NPTX2: variants seen among roughly 807,000 people sequenced by gnomAD.
NPTX2 encodes neuronal pentraxin-2.
A neutral mutation model predicts 38.1 loss-of-function variants in NPTX2; 23 were observed. The observed-to-expected ratio is 0.60, with a 90% CI of 0.43 to 0.85. The LOEUF is 0.85. Ranked by LOEUF, NPTX2 falls within the 40% of genes least tolerant of loss-of-function variation. The probability of loss-of-function intolerance (pLI) is 0.00; values close to 1 mark genes in which losing one functional copy is unlikely to be tolerated. For missense variants in NPTX2, 553 were observed against 615.3 expected, an observed-to-expected ratio of 0.90 and a Z score of 1.07; for synonymous variants, 291 against 287.3, an observed-to-expected ratio of 1.01 and a Z score of -0.13.
chr7:98,619,102 A>T (rs1311671275), intron 1 of NPTX2, among the ~76,000 whole-genome samples: 2 of 152,206 alleles, frequency 1.3e-5, no homozygotes, highest in Non-Finnish European at 2.9e-5. Flanking sequence ...AAAGAGAAAT[A>T]GGAAGTGAGG....
chr7:98,625,273 TC>T, intron 3 of NPTX2, 107 bp downstream of exon 3: 2 of 1,397,182 alleles, frequency 1.4e-6, no homozygotes, highest in Non-Finnish European at 9.6e-7. Flanking sequence ...CACAGCAGTG[TC>T]CCAGACATGG....
chr7:98,619,907 C>T, intron 2 of NPTX2, 48 bp downstream of exon 2: 8 of 1,524,636 alleles, frequency 5.2e-6, no homozygotes, highest in Non-Finnish European at 7.2e-6. Context: ...TGATTTTCAC[C>T]ACTTGTGGTC....
chr7:98,627,052 A>C, intron 3 of NPTX2, 113 bp from the exon 4 acceptor site: 1 of 671,368 alleles, frequency 1.5e-6, no homozygotes, highest in Non-Finnish European at 2.6e-6. Context: ...CCCCGGTGAC[A>C]GGAGGAGCAG....
chr7:98,618,590 C>T (rs547390474), intron 1 of NPTX2, among the ~76,000 whole-genome samples: 929 of 56,034 alleles, frequency 0.017, 43 homozygotes, highest in Admixed American at 0.062. Context: ...CCCCCTCCCC[C>T]TCCGTCCCCC....
chr7:98,617,996 A>G, intron 1 of NPTX2, 109 bp downstream of exon 1: 2 of 1,164,122 alleles, frequency 1.7e-6, no homozygotes, highest in Non-Finnish European at 1.2e-6. Flanking sequence ...GGAGGGTGTG[A>G]TCGTCCGTGG....
In NPTX2 at chr7:98,617,371, C is replaced by T. The variant is rs1397917855; in HGVS notation, c.-91C>T. ...GCACGCGACCCTCGAGACGACAGCG[C>T]GGCTACTGCCAGCAGCGAAGGCGCC... On this transcript the variant is annotated 5_prime_UTR_variant, in exon 1 of 5. Coordinates refer to ENST00000265634, the MANE Select transcript of NPTX2 (RefSeq NM_002523.3). 1 of 326,350 alleles carries T rather than the reference C, an allele frequency of 3.1e-6. No individual in the cohort carries two copies. Among genetic ancestry groups the T allele is most frequent in the Non-Finnish European group, 5.4e-6 (1 of 186,460 alleles). 20.2% of individuals were successfully genotyped at this position (326,350 alleles called of 1,614,324 possible).
chr7:98,627,513 A>G (rs183427806), intron 4 of NPTX2, among the ~76,000 whole-genome samples, 169 bp downstream of exon 4: 77 of 152,310 alleles, frequency 5.1e-4, no homozygotes, highest in African/African-American at 1.8e-3. Context: ...AGACCTGGCC[A>G]CAGTGTCCTG....
chr7:98,620,039 C>T (rs1244406445), intron 2 of NPTX2, 180 bp downstream of exon 2: 1 of 625,238 alleles, frequency 1.6e-6, no homozygotes, highest in South Asian at 1.9e-5. Context: ...AGCTGCCAGC[C>T]CCACTGGCAT....
Position 98,617,654 on chromosome 7 carries a change from C to A in NPTX2, c.193C>A (p.Gln65Lys). 1 of 1,484,620 alleles carries A rather than the reference C, an allele frequency of 6.7e-7. No homozygotes were observed. Among genetic ancestry groups the A allele is most frequent in the South Asian group, 1.3e-5 (1 of 78,680 alleles). The allele number at this position is 1,484,620 out of a possible 1,614,324, so 92.0% of individuals were successfully genotyped here. The change falls in exon 1 of 5, where the codon CAG becomes AAG. Residue 65 changes from glutamine to lysine, a missense_variant. Physicochemically the swap from Gln to Lys is moderately conservative, Grantham distance 53 (BLOSUM62 1). Transcript: ENST00000265634. ...PEEELRAAVLQLRETVVQQKE... is the reference protein window; with the variant it reads ...PEEELRAAVLKLRETVVQQKE... ...GGAGGAGCTGAGGGCCGCGGTGCTGCAGCTGCGCGAGACCGTCGTGCAGCA... is the reference window on the plus strand; with the variant it reads ...GGAGGAGCTGAGGGCCGCGGTGCTGAAGCTGCGCGAGACCGTCGTGCAGCA...
chr7:98,624,114 A>C lies in NPTX2; in HGVS notation c.644-808A>C, dbSNP rs1050615276. 2.6e-5 allele frequency among the ~76,000 whole-genome samples: 4 copies of C among 151,994 alleles called. No individual in the cohort carries two copies. The East Asian group carries it at 5.8e-4, about 22-fold the overall frequency. On this transcript the variant is annotated intron_variant, in intron 2 of 4. Transcript: ENST00000265634. ...TGGAACCACAGGTGTGTGCCACCCT[A>C]CCCAGCTAATTTTTATATTTTTTGT...
Position 98,619,227 on chromosome 7 carries a change from C to T in NPTX2, c.427-416C>T, listed in dbSNP as rs572814372. Among the ~76,000 whole-genome samples, 10 of 152,174 alleles carry T rather than the reference C, an allele frequency of 6.6e-5. No individual in the cohort carries two copies. The East Asian group carries it at 7.7e-4, about 12-fold the overall frequency. ...ATAGTTATTTACCTTGGTGCCAGAC[C>T]GGAACTTGGGGGCTGTTTTCATTTC... On this transcript the variant is annotated intron_variant, in intron 1 of 4. Transcript: ENST00000265634.
chr7:98,620,714 G>A (rs115274546), intron 2 of NPTX2, among the ~76,000 whole-genome samples: 51 of 152,250 alleles, frequency 3.3e-4, no homozygotes, highest in African/African-American at 8.9e-4. Flanking sequence ...AGGAGGGAAC[G>A]TCTAGGCACA....
At chr7:98,625,247 C>A in intron 3 of NPTX2, 81 bp downstream of exon 3, 1 of 1,503,158 alleles carries the variant, frequency 6.7e-7, no homozygotes, top group Non-Finnish European at 8.9e-7. Flanking sequence ...CAGCCGTCCT[C>A]GCCCTCCTCG....
chr7:98,625,420 G>A (rs1238316393), intron 3 of NPTX2, among the ~76,000 whole-genome samples: 1 of 152,206 alleles, frequency 6.6e-6, no homozygotes, highest in Non-Finnish European at 1.5e-5. Flanking sequence ...GGCCATGGAA[G>A]GGCAGAAGGA....
In NPTX2 at chr7:98,625,256, C is replaced by T. The variant is rs566847495; in HGVS notation, c.888+90C>T. On this transcript the variant is annotated intron_variant, in intron 3 of 4. Transcript: ENST00000265634. ...CCACCCCAGCCGTCCTCGCCCTCCTCGGGCCACACAGCAGTGTCCCAGACA... is the reference window on the plus strand; with the variant it reads ...CCACCCCAGCCGTCCTCGCCCTCCTTGGGCCACACAGCAGTGTCCCAGACA... 89 of 1,471,772 alleles carry T rather than the reference C, an allele frequency of 6.0e-5. No individual in the cohort carries two copies. In the African/African-American group the frequency reaches 9.4e-4, roughly 16 times the overall value. The allele number at this position is 1,471,772 out of a possible 1,614,324, so 91.2% of individuals were successfully genotyped here. A position where few individuals can be genotyped will look rare whatever the true frequency, so the allele number is the denominator to read the frequency against.
In NPTX2 at chr7:98,628,483, C is replaced by T. The variant is rs200320030; in HGVS notation, c.1150C>T (p.Arg384Cys). 3.1e-6 allele frequency: 5 copies of T among 1,611,198 alleles called. No individual in the cohort carries two copies. Among genetic ancestry groups the T allele is most frequent in the East Asian group, 2.2e-5 (1 of 44,848 alleles). Residue 384 changes from arginine to cysteine, a missense_variant, in exon 5 of 5, where the codon CGC (arginine) becomes TGC (cysteine). Physicochemically the swap from Arg to Cys is radical, Grantham distance 180. Coordinates refer to ENST00000265634, the MANE Select transcript of NPTX2 (RefSeq NM_002523.3). ...GTTCAACATATGGGACCGCGTCCTT[C>T]GCGCACAAGAAATTGTCAACATCGC... ...SQFNIWDRVL[R>C]AQEIVNIANC...
intron 4 of NPTX2, among the ~76,000 whole-genome samples, 192 bp downstream of exon 4, chr7:98,627,536 G>C (rs1791373279): frequency 6.6e-6 from 1 of 152,230 alleles, no homozygotes; most frequent in South Asian, 2.1e-4. Context: ...AGCCAGGTCG[G>C]GGGAGTGAGA....
rs1369175881 is a variant in NPTX2 at position 98,627,035 on chromosome 7, C to T, written c.889-130C>T. 15 of 585,770 alleles carry T rather than the reference C, an allele frequency of 2.6e-5. No homozygotes were observed. The African/African-American group carries it at 4.4e-4, about 17-fold the overall frequency. 36.3% of individuals were successfully genotyped at this position (585,770 alleles called of 1,614,324 possible). On this transcript the variant is annotated intron_variant, in intron 3 of 4. Coordinates refer to ENST00000265634, the MANE Select transcript of NPTX2 (RefSeq NM_002523.3). The stretch of plus-strand genomic sequence containing the variant: ...AGGCTGCCCCCTTGCATGTTCTCCA[C>T]GCATGACCCCGGTGACAGGAGGAGC...
chr7:98,618,361 G>A (rs12672340), intron 1 of NPTX2, among the ~76,000 whole-genome samples: 6,614 of 152,230 alleles, frequency 0.043, 175 homozygotes, highest in East Asian at 0.11. Flanking sequence ...TTTAAATCAG[G>A]TCAGGCTGAG....
Sources: allele counts gnomAD v4.1 joint callset (sites outside exome capture counted in the v4.1 genomes callset), GRCh38; gene constraint gnomAD v4.1.1; transcripts MANE v1.5; gene names NCBI Gene and HGNC (gene_info 2026-07-23, HGNC 2026-07-21).